Variants in EBF3 observed in about 807,000 individuals in gnomAD.
EBF3 encodes the protein transcription factor COE3.
In EBF3, 18 loss-of-function variants were observed where a neutral mutation model predicts 77.1. The ratio of observed to expected loss-of-function variants is 0.23; its 90% CI spans 0.16 to 0.35. The LOEUF (loss-of-function observed/expected upper bound fraction) is 0.35. Ranked by LOEUF, EBF3 falls within the 10% of genes least tolerant of loss-of-function variation. The pLI, the probability that EBF3 is intolerant of heterozygous loss-of-function variation, is 1.00. For synonymous variants in EBF3, 350 were observed against 343.5 expected, an observed-to-expected ratio of 1.02 and a Z score of -0.21; for missense variants, 558 against 860.0, an observed-to-expected ratio of 0.65 and a Z score of 4.39.
intron 16 of EBF3, 138 bp from the exon 17 acceptor site, chr10:129,838,098 G>A (rs1250891954): frequency 9.6e-6 from 10 of 1,042,228 alleles, no homozygotes; most frequent in African/African-American, 1.6e-5. Context: ...CCAGCCTCGG[G>A]CGTGGTTAGG....
intron 6 of EBF3, among the ~76,000 whole-genome samples, chr10:129,888,158 T>A (rs915476418): frequency 6.6e-6 from 1 of 152,202 alleles, no homozygotes; most frequent in African/African-American, 2.4e-5. Flanking sequence ...CGAGCATGCG[T>A]CACGCCCTCC....
chr10:129,918,686 T>C (rs1016668661), intron 6 of EBF3, among the ~76,000 whole-genome samples: 1 of 152,196 alleles, frequency 6.6e-6, no homozygotes, highest in Non-Finnish European at 1.5e-5. Flanking sequence ...GTCAGAGCCA[T>C]CAGGAGTGAA....
intron 6 of EBF3, among the ~76,000 whole-genome samples, chr10:129,908,220 T>C (rs1855279130): frequency 6.6e-6 from 1 of 152,244 alleles, no homozygotes; most frequent in Non-Finnish European, 1.5e-5. Context: ...ACCGCCTGGC[T>C]TTATTAATTC....
chr10:129,898,816 C>T (rs1446729698), intron 6 of EBF3, among the ~76,000 whole-genome samples: 5 of 152,220 alleles, frequency 3.3e-5, no homozygotes, highest in Admixed American at 2.6e-4. Context: ...AGTGACAGCT[C>T]GCCGCTGCCC....
chr10:129,847,042 G>C (rs1374182778), intron 11 of EBF3, among the ~76,000 whole-genome samples: 1 of 152,144 alleles, frequency 6.6e-6, no homozygotes, highest in African/African-American at 2.4e-5. Flanking sequence ...TCACCAATGA[G>C]GGCCCTGGCA....
chr10:129,950,202 G>T (rs536065068), intron 6 of EBF3, among the ~76,000 whole-genome samples: 1 of 152,210 alleles, frequency 6.6e-6, no homozygotes, highest in Admixed American at 6.5e-5. Context: ...ACACAACCGC[G>T]AGCCCCTTCC....
intron 6 of EBF3, among the ~76,000 whole-genome samples, chr10:129,901,060 C>T (rs1564871694): frequency 1.3e-5 from 2 of 152,352 alleles, no homozygotes; most frequent in Non-Finnish European, 2.9e-5. Flanking sequence ...CTGGCACGCC[C>T]TCTGATAAGA....
Position 129,848,420 on chromosome 10 carries a change from T to C in EBF3, c.1100A>G (p.His367Arg). 1 of 1,614,218 alleles carries C rather than the reference T, an allele frequency of 6.2e-7. No individual in the cohort carries two copies. The highest frequency in any genetic ancestry group is 1.7e-5 in the Admixed American group (1 of 60,022). Residue 367 changes from histidine to arginine, a missense_variant, in exon 11 of 17, where the codon CAT (histidine) becomes CGT (arginine). Around this residue, in one of 5 missense-constraint regions of EBF3, gnomAD observed 284 missense variants for 368.3 expected, o/e 0.77. Transcript: ENST00000440978. This position sits in a 1 kb window ranked among gnomAD's most constrained non-coding sequence, Gnocchi z 4.4. ...GGGTAACCTTTCGGGATCACCCGGA[T>C]GTCTTGGGATCACTTTCTGCAACCT... ...FQRLQKVIPR[H>R]PGDPERLPKE...
Position 129,952,478 on chromosome 10 carries a change from T to A in EBF3, c.554+4780A>T, listed in dbSNP as rs577450891. 1.3e-5 allele frequency among the ~76,000 whole-genome samples: 2 copies of A among 152,362 alleles called. No individual in the cohort carries two copies. Among genetic ancestry groups the A allele is most frequent in the African/African-American group, 4.8e-5 (2 of 41,586 alleles). ...ACATTAAAGAAGACAATGAATTTAA[T>A]TTTATTTAATGTCCCTTTTTGCAGA... On this transcript the variant is annotated intron_variant, in intron 6 of 16. Coordinates refer to ENST00000440978, the MANE Select transcript of EBF3 (RefSeq NM_001375380.1). This position sits in a 1 kb window ranked among gnomAD's most constrained non-coding sequence, Gnocchi z 4.7.
At chr10:129,953,900 A>G (rs1858854316) in intron 6 of EBF3, among the ~76,000 whole-genome samples, 1 of 152,234 alleles carries the variant, frequency 6.6e-6, no homozygotes, top group African/African-American at 2.4e-5. Context: ...ACATCCTGGA[A>G]TCATTTGCAG....
At chr10:129,939,368 C>T (rs1008108931) in intron 6 of EBF3, among the ~76,000 whole-genome samples, 1 of 152,216 alleles carries the variant, frequency 6.6e-6, no homozygotes, top group East Asian at 1.9e-4. Context: ...TGCCAGTCTA[C>T]ATAAGAAACT....
chr10:129,917,670 A>AAAAAAAAAAAAAAAAAAAAAC (rs1564887105), intron 6 of EBF3, among the ~76,000 whole-genome samples: 1 of 149,908 alleles, frequency 6.7e-6, no homozygotes, highest in African/African-American at 2.4e-5. Context: ...AAAAAAAAAA[A>AAAAAAAAAAAAAAAAAAAAAC]AAAAAAAAAC....
At chr10:129,876,748 G>C (rs182339015) in intron 7 of EBF3, among the ~76,000 whole-genome samples, 70 of 152,228 alleles carry the variant, frequency 4.6e-4, no homozygotes, top group Middle Eastern at 3.4e-3. Flanking sequence ...TTCTAGCCCA[G>C]ACTATTTTTA....
At position 129,943,840 on chromosome 10, in the gene EBF3, T is replaced by C. The variant is rs935224468; in HGVS notation, c.554+13418A>G. Among the ~76,000 whole-genome samples the C allele has an allele frequency of 1.3e-5, 2 of 152,338 alleles. No individual in the cohort carries two copies. Among genetic ancestry groups the C allele is most frequent in the South Asian group, 4.1e-4 (2 of 4,820 alleles). ...CAGTTTTTTTCTGTGCTGAGCTCTC[T>C]GGAACCATATGTTCAGCAACGTTAT... On this transcript the variant is annotated intron_variant, in intron 6 of 16. Transcript: ENST00000440978. This position sits in a 1 kb window ranked among gnomAD's most constrained non-coding sequence, Gnocchi z 8.8.
chr10:129,958,168 T>A (rs970476565), intron 5 of EBF3, among the ~76,000 whole-genome samples: 3 of 152,258 alleles, frequency 2.0e-5, no homozygotes, highest in African/African-American at 7.2e-5. Context: ...ATATTAGTGC[T>A]GTAACAATAT....
rs547757310 is a variant in EBF3 at position 129,960,662 on chromosome 10, G to A, written c.411+1509C>T. On this transcript the variant is annotated intron_variant, in intron 4 of 16. Coordinates refer to ENST00000440978, the MANE Select transcript of EBF3 (RefSeq NM_001375380.1). Reference sequence around the variant, plus strand: ...TTTTTTTTTTTGCCCCTCCATGCCCGTCAGTGAGAGGAGATTAAATGCCTT... The same window carrying A: ...TTTTTTTTTTTGCCCCTCCATGCCCATCAGTGAGAGGAGATTAAATGCCTT... Among the ~76,000 whole-genome samples, 128 of 129,060 alleles carry A rather than the reference G, an allele frequency of 9.9e-4. 1 individual carries two copies. The highest frequency in any genetic ancestry group is 3.5e-3 in the African/African-American group (117 of 33,246). 84.7% of individuals were successfully genotyped at this position (129,060 alleles called of 152,430 possible). A position where few individuals can be genotyped will look rare whatever the true frequency, so the allele number is the denominator to read the frequency against.
intron 6 of EBF3, among the ~76,000 whole-genome samples, chr10:129,940,190 C>T (rs1249116085): frequency 2.0e-5 from 3 of 152,208 alleles, no homozygotes; most frequent in African/African-American, 2.4e-5. Flanking sequence ...GGGCTCTGTG[C>T]GTGCCCACAG....
intron 7 of EBF3, among the ~76,000 whole-genome samples, chr10:129,876,900 C>T (rs74162519): frequency 7.0e-5 from 7 of 99,408 alleles, no homozygotes; most frequent in South Asian, 4.8e-4. Flanking sequence ...CCCCCCCCCC[C>T]CACCCAGCTA....
chr10:129,862,918 A>G (rs1399876210), intron 10 of EBF3, among the ~76,000 whole-genome samples: 5 of 152,340 alleles, frequency 3.3e-5, no homozygotes, highest in Admixed American at 6.5e-5. Context: ...TTTCTCAGGT[A>G]GGACATTCTG....
Sources: allele counts gnomAD v4.1 joint callset (sites outside exome capture counted in the v4.1 genomes callset), GRCh38; gene constraint gnomAD v4.1.1; regional missense constraint gnomAD v4.1.1; non-coding constraint Gnocchi (gnomAD v3.1); transcripts MANE v1.5; gene names NCBI Gene and HGNC (gene_info 2026-07-23, HGNC 2026-07-21).